The following MALRD1 variants were observed in gnomAD, a reference collection of about 807,000 sequenced individuals.
MALRD1 encodes the protein MAM and LDL-receptor class A domain-containing protein 1.
In MALRD1, 247 loss-of-function variants were observed where a neutral mutation model predicts 242.1. That is an observed-to-expected ratio of 1.02 (90% confidence interval 0.92 to 1.13). MALRD1 has a LOEUF of 1.13. Among genes scored for constraint, MALRD1 ranks in the 50% most tolerant of loss-of-function variants. MALRD1 has a pLI of 0.00. For synonymous variants in MALRD1, 995 were observed against 866.6 expected, an observed-to-expected ratio of 1.15 and a Z score of -2.60; for missense variants, 2,989 against 2,533.1, an observed-to-expected ratio of 1.18 and a Z score of -3.86.
At chr10:19,171,217 A>G (rs1834907236) in intron 13 of MALRD1, among the ~76,000 whole-genome samples, 1 of 151,608 alleles carries the variant, frequency 6.6e-6, no homozygotes. Flanking sequence ...AAGATCCCAA[A>G]AAATAGTTTT....
chr10:19,463,768 C>T (rs1358725302), intron 29 of MALRD1, among the ~76,000 whole-genome samples: 2 of 152,028 alleles, frequency 1.3e-5, no homozygotes, highest in African/African-American at 4.8e-5. Flanking sequence ...TATTTCTACT[C>T]TTGGTTCTTT....
chr10:19,105,850 T>G (rs1836444093), intron 5 of MALRD1, among the ~76,000 whole-genome samples: 3 of 151,986 alleles, frequency 2.0e-5, no homozygotes. Flanking sequence ...TGAGGTTTTG[T>G]GTCCACTTTC....
intron 13 of MALRD1, among the ~76,000 whole-genome samples, chr10:19,169,377 A>G (rs1331495292): frequency 6.6e-6 from 1 of 152,254 alleles, no homozygotes; most frequent in Non-Finnish European, 1.5e-5. Flanking sequence ...ACAGATACAT[A>G]CATGGTAATA....
intron 2 of MALRD1, among the ~76,000 whole-genome samples, chr10:19,083,385 A>T (rs550332800): frequency 6.6e-6 from 1 of 152,114 alleles, no homozygotes; most frequent in East Asian, 1.9e-4. Context: ...CTACACATGC[A>T]CATGTCTGGC....
intron 17 of MALRD1, among the ~76,000 whole-genome samples, chr10:19,207,973 G>C (rs1836861150): frequency 6.6e-6 from 1 of 152,156 alleles, no homozygotes; most frequent in African/African-American, 2.4e-5. Context: ...CAATCGATCT[G>C]ATAACTGAGA....
intron 32 of MALRD1, among the ~76,000 whole-genome samples, chr10:19,536,517 G>T (rs1404668158): frequency 6.6e-6 from 1 of 151,838 alleles, no homozygotes. Flanking sequence ...TTTCCTTGCT[G>T]ATTTCTCATC....
intron 30 of MALRD1, among the ~76,000 whole-genome samples, chr10:19,495,055 C>T (rs1029185739): frequency 6.6e-6 from 1 of 151,698 alleles, no homozygotes; most frequent in African/African-American, 2.4e-5. Context: ...CAGCTCACTG[C>T]AACCTCCGTC....
chr10:19,647,110 C>T (rs1840694742), intron 36 of MALRD1, among the ~76,000 whole-genome samples: 1 of 152,202 alleles, frequency 6.6e-6, no homozygotes, highest in African/African-American at 2.4e-5. Context: ...AACGAATGCA[C>T]TTCCCTGGAG....
intron 32 of MALRD1, among the ~76,000 whole-genome samples, chr10:19,553,428 A>C (rs919477060): frequency 1.3e-5 from 2 of 152,162 alleles, no homozygotes; most frequent in Non-Finnish European, 2.9e-5. Context: ...TCAGAATATA[A>C]AAATATTTTG....
intron 32 of MALRD1, among the ~76,000 whole-genome samples, chr10:19,563,355 T>C (rs1836092406): frequency 6.6e-6 from 1 of 152,186 alleles, no homozygotes; most frequent in Non-Finnish European, 1.5e-5. Flanking sequence ...TTTTTCTTTC[T>C]TCTTATATAT....
intron 29 of MALRD1, among the ~76,000 whole-genome samples, chr10:19,475,789 A>G (rs1371610956): frequency 6.6e-6 from 1 of 152,218 alleles, no homozygotes; most frequent in African/African-American, 2.4e-5. Flanking sequence ...TTCTATGTCA[A>G]TAATAGACAA....
At chr10:19,184,150 C>A (rs761388738) in intron 14 of MALRD1, among the ~76,000 whole-genome samples, 1 of 152,146 alleles carries the variant, frequency 6.6e-6, no homozygotes, top group African/African-American at 2.4e-5. Context: ...AAGTTCAATG[C>A]CAGGGTGGAT....
chr10:19,420,776 C>A (rs1217247059), intron 28 of MALRD1, among the ~76,000 whole-genome samples: 3 of 152,142 alleles, frequency 2.0e-5, no homozygotes, highest in Admixed American at 1.3e-4. Context: ...GATAGATACA[C>A]AATAAATGCA....
intron 32 of MALRD1, among the ~76,000 whole-genome samples, chr10:19,532,854 AT>A (rs1283086790): frequency 6.6e-6 from 1 of 152,122 alleles, no homozygotes; most frequent in Non-Finnish European, 1.5e-5. Context: ...ATTTTAAATT[AT>A]TTTTCATAGT....
At chr10:19,242,993 T>C (rs1433420972) in intron 18 of MALRD1, among the ~76,000 whole-genome samples, 2 of 152,062 alleles carry the variant, frequency 1.3e-5, no homozygotes, top group African/African-American at 2.4e-5. Context: ...ACTTGTTCAC[T>C]TCTTCCTTTC....
chr10:19,229,584 C>T (rs1042383648), intron 18 of MALRD1, among the ~76,000 whole-genome samples: 4 of 152,094 alleles, frequency 2.6e-5, no homozygotes, highest in African/African-American at 9.7e-5. Flanking sequence ...TTTATTCTCT[C>T]GTTTAGTCGC....
intron 36 of MALRD1, among the ~76,000 whole-genome samples, chr10:19,638,101 CAAAAAAAAAA>C (rs56865342): frequency 0.03 from 1,243 of 41,946 alleles, 27 homozygotes; most frequent in African/African-American, 0.072. Context: ...AACTCACTCT[CAAAAAAAAAA>C]AAAAAAAAAA....
chr10:19,062,486 A>G (rs1288959480), intron 1 of MALRD1, among the ~76,000 whole-genome samples: 1 of 152,232 alleles, frequency 6.6e-6, no homozygotes, highest in East Asian at 1.9e-4. Flanking sequence ...ACCCATGTTC[A>G]CAGCAGTGTT....
chr10:19,377,716 T>C (rs561690083), intron 26 of MALRD1, among the ~76,000 whole-genome samples: 43 of 152,144 alleles, frequency 2.8e-4, no homozygotes, highest in African/African-American at 5.8e-4. Flanking sequence ...AACATACACA[T>C]TAAAGGAAAA....
Sources: gnomAD v4.1 joint callset for allele counts (sites outside exome capture counted in the v4.1 genomes callset) on GRCh38, gnomAD v4.1.1 for gene constraint, MANE v1.5 for transcripts, NCBI Gene and HGNC (gene_info 2026-07-23, HGNC 2026-07-21) for gene names.